The following ALK variants were observed in gnomAD, a reference collection of about 807,000 sequenced individuals.
ALK encodes the protein ALK receptor tyrosine kinase, also known as ALK tyrosine kinase receptor.
A neutral mutation model predicts 163.1 loss-of-function variants in ALK; 74 were observed. The ratio of observed to expected loss-of-function variants is 0.45; its 90% CI spans 0.38 to 0.55. ALK has a LOEUF of 0.55. ALK is among the 20% of genes least tolerant of loss of function. The pLI, the probability that ALK is intolerant of heterozygous loss-of-function variation, is 0.00. For synonymous variants in ALK, 960 were observed against 843.2 expected (o/e 1.14, Z -2.40); for missense variants, 2,063 against 2,105.3 (o/e 0.98, Z 0.39).
chr2:29,442,743 G>A (rs1158392691), intron 4 of ALK, among the ~76,000 whole-genome samples: 2 of 152,190 alleles, frequency 1.3e-5, no homozygotes, highest in Non-Finnish European at 2.9e-5. Context: ...ATGAACTTTC[G>A]ACTGGGCACT....
chr2:29,362,048 G>A (rs955822173), intron 5 of ALK, among the ~76,000 whole-genome samples: 3 of 152,050 alleles, frequency 2.0e-5, no homozygotes, highest in Admixed American at 6.6e-5. Flanking sequence ...GACAAGAAGT[G>A]GAAAAAGGGA....
intron 3 of ALK, among the ~76,000 whole-genome samples, chr2:29,622,871 G>A (rs1046231561): frequency 6.6e-6 from 1 of 152,082 alleles, no homozygotes; most frequent in Non-Finnish European, 1.5e-5. Context: ...GTAGGTGAGG[G>A]TCCCCTGCAC....
intron 5 of ALK, among the ~76,000 whole-genome samples, chr2:29,372,737 G>A (rs1668667300): frequency 6.6e-6 from 1 of 152,154 alleles, no homozygotes. Flanking sequence ...TCTTTCCACT[G>A]TCCATGATGC....
In ALK at chr2:29,223,465, T is replaced by G. The variant is rs754163075; in HGVS notation, c.3236A>C (p.Lys1079Thr). 23 of 1,614,094 alleles carry G rather than the reference T, an allele frequency of 1.4e-5. No individual in the cohort carries two copies. The Admixed American group carries it at 3.8e-4, about 27-fold the overall frequency. ...GGTCGAGGTGCGGAGCTTGCTCAGC[T>G]TGTACTCAGGGCTCTGCAGCTCCAT... ...MQMELQSPEY[K>T]LSKLRTSTIM... The change falls in exon 20 of 29, where the codon AAG becomes ACG. Residue 1079 changes from lysine to threonine, a missense_variant. Lys to Thr is a moderately conservative substitution (Grantham distance 78). Transcript: ENST00000389048.
chr2:29,229,197 A>C, intron 15 of ALK, 131 bp from the exon 16 acceptor site: 1 of 796,948 alleles, frequency 1.3e-6, no homozygotes, highest in South Asian at 1.5e-5. Flanking sequence ...GCCCATCTTC[A>C]GTGGGGCCTG....
At chr2:29,889,202 G>C (rs530513671) in intron 1 of ALK, among the ~76,000 whole-genome samples, 1 of 151,882 alleles carries the variant, frequency 6.6e-6, no homozygotes, top group African/African-American at 2.4e-5. Context: ...AATGTTTCCA[G>C]GGATATACAA....
At chr2:29,689,443 T>C (rs1255155785) in intron 3 of ALK, among the ~76,000 whole-genome samples, 1 of 152,162 alleles carries the variant, frequency 6.6e-6, no homozygotes, top group Non-Finnish European at 1.5e-5. Flanking sequence ...TTGAGAGGTG[T>C]TCAGGGACCC....
intron 4 of ALK, among the ~76,000 whole-genome samples, chr2:29,514,841 T>G (rs1000375264): frequency 6.6e-6 from 1 of 152,194 alleles, no homozygotes. Context: ...TATTCAGGAC[T>G]ACCCTCCCTT....
In ALK at chr2:29,193,524, A is replaced by G. The variant is rs2148137913; in HGVS notation, c.4563T>C (p.Pro1521=). 6.2e-7 allele frequency: 1 copy of G among 1,614,088 alleles called. No individual in the cohort carries two copies. The highest frequency in any genetic ancestry group is 8.5e-7 in the Non-Finnish European group (1 of 1,180,010). The change falls in exon 29 of 29, where the codon CCT becomes CCC. Residue 1521 remains proline, a synonymous_variant. Transcript: ENST00000389048. ...FTEKPTKKNN[P]IAKKEPHDRG... ...TGTCGTGTGGCTCCTTCTTTGCTAT[A>G]GGATTATTCTTTTTGGTGGGTTTCT...
Position 29,920,351 on chromosome 2 carries a change from C to A in ALK, c.309G>T (p.Gly103=). 2 of 1,551,522 alleles carry A rather than the reference C, an allele frequency of 1.3e-6. No homozygotes were observed. The highest frequency in any genetic ancestry group is 2.7e-5 in the African/African-American group (2 of 73,352). Residue 103 remains glycine, a synonymous_variant, in exon 1 of 29, where the codon GGG becomes GGT. Transcript: ENST00000389048. ...CGGTCCAGGAGACCCCCGGCGCCGG[C>A]CCCAGCAACCTGAGCAGCGGGGCGC... is the stretch of plus-strand genomic sequence containing the variant. ...LDCAPLLRLL[G]PAPGVSWTAG... is the part of the protein sequence containing the mutation.
chr2:29,720,664 C>G (rs1679395239), intron 1 of ALK, among the ~76,000 whole-genome samples: 1 of 152,208 alleles, frequency 6.6e-6, no homozygotes, highest in Non-Finnish European at 1.5e-5. Context: ...ACAGAATACA[C>G]ATCAATGTAG....
chr2:29,811,817 T>C (rs1366801236), intron 1 of ALK, among the ~76,000 whole-genome samples: 1 of 152,214 alleles, frequency 6.6e-6, no homozygotes, highest in Non-Finnish European at 1.5e-5. Context: ...ATTGCATAAA[T>C]GATGTCCAGA....
intron 3 of ALK, among the ~76,000 whole-genome samples, chr2:29,552,570 A>AT (rs937330864): frequency 6.6e-6 from 1 of 152,174 alleles, no homozygotes; most frequent in Non-Finnish European, 1.5e-5. Flanking sequence ...GTGGTATCCC[A>AT]TGGTTGATTT....
intron 4 of ALK, among the ~76,000 whole-genome samples, chr2:29,495,362 C>T (rs906300336): frequency 1.3e-4 from 20 of 152,162 alleles, no homozygotes; most frequent in African/African-American, 4.3e-4. Context: ...GTTCCTTTCC[C>T]GTGGCACTGC....
intron 11 of ALK, among the ~76,000 whole-genome samples, chr2:29,258,292 T>C (rs1034596677): frequency 6.6e-6 from 1 of 152,264 alleles, no homozygotes; most frequent in African/African-American, 2.4e-5. Flanking sequence ...TGTTCTTTCA[T>C]CAGGAGATAC....
intron 1 of ALK, among the ~76,000 whole-genome samples, chr2:29,747,600 G>C (rs1680238722): frequency 6.6e-6 from 1 of 152,210 alleles, no homozygotes; most frequent in African/African-American, 2.4e-5. Flanking sequence ...TCAATGTCCA[G>C]CACAGGACCT....
At chr2:29,381,442 T>C (rs927200289) in intron 5 of ALK, among the ~76,000 whole-genome samples, 5 of 152,228 alleles carry the variant, frequency 3.3e-5, no homozygotes, top group African/African-American at 1.2e-4. Context: ...CACAGATAGA[T>C]ATTGTCTCCA....
At chr2:29,487,684 T>G (rs758496640) in intron 4 of ALK, among the ~76,000 whole-genome samples, 2 of 152,188 alleles carry the variant, frequency 1.3e-5, no homozygotes, top group Non-Finnish European at 2.9e-5. Context: ...GATTTTTAGA[T>G]GATGAGGAGA....
chr2:29,218,354 G>C (rs1244312369), intron 23 of ALK, among the ~76,000 whole-genome samples: 1 of 152,204 alleles, frequency 6.6e-6, no homozygotes, highest in Non-Finnish European at 1.5e-5. Context: ...CCCGTTCTGG[G>C]GGTCCCTCAG....
Sources: gnomAD v4.1 joint callset for allele counts (sites outside exome capture counted in the v4.1 genomes callset) on GRCh38, gnomAD v4.1.1 for gene constraint, MANE v1.5 for transcripts, NCBI Gene and HGNC (gene_info 2026-07-23, HGNC 2026-07-21) for gene names.